Variants in CCDC7 observed in about 807,000 individuals in gnomAD.
CCDC7 encodes the protein coiled-coil domain containing 7, also known as coiled-coil domain-containing protein 7.
In CCDC7, 183 loss-of-function variants were observed where a neutral mutation model predicts 196.9. That is an observed-to-expected ratio of 0.93 (90% CI 0.82 to 1.05). CCDC7 has a LOEUF of 1.05. Ranked by LOEUF, CCDC7 falls within the 50% of genes least tolerant of loss-of-function variation. CCDC7 has a pLI of 0.00. For synonymous variants in CCDC7, 525 were observed against 484.6 expected (o/e 1.08, Z -1.10); for missense variants, 1,540 against 1,482.2 (o/e 1.04, Z -0.64).
At chr10:32,530,170 A>G (rs1296713521) in intron 11 of CCDC7, among the ~76,000 whole-genome samples, 3 of 152,176 alleles carry the variant, frequency 2.0e-5, no homozygotes, top group Non-Finnish European at 2.9e-5. Context: ...TTTGGTGACT[A>G]TAGCCTTATA....
At chr10:32,736,976 A>C (rs1379416229) in intron 28 of CCDC7, among the ~76,000 whole-genome samples, 1 of 152,100 alleles carries the variant, frequency 6.6e-6, no homozygotes, top group Non-Finnish European at 1.5e-5. Flanking sequence ...CTCATGATTA[A>C]GATATTAGGT....
chr10:32,571,934 C>G lies in CCDC7; in HGVS notation c.1454+41C>G, dbSNP rs769664171. The G allele has an allele frequency of 1.9e-6, 3 of 1,547,702 alleles. No individual in the cohort carries two copies. The Admixed American group carries it at 6.0e-5, about 31-fold the overall frequency. ...AAAATTTGTTCCCTCATTTTCTAAT[C>G]TTTATCAGTTCACATACCTAAGCAA... On this transcript the variant is annotated intron_variant, in intron 16 of 41. Transcript: ENST00000639629.
chr10:32,574,512 C>T, intron 16 of CCDC7: 3 of 1,533,316 alleles, frequency 2.0e-6, no homozygotes, highest in South Asian at 2.5e-5. Context: ...GAGACCCCAC[C>T]TGAGCAGATA....
At chr10:32,683,937 G>A (rs993531671) in intron 21 of CCDC7, among the ~76,000 whole-genome samples, 1 of 152,212 alleles carries the variant, frequency 6.6e-6, no homozygotes, top group African/African-American at 2.4e-5. Flanking sequence ...GGAGGCACGA[G>A]ATAGCTTTTG....
intron 24 of CCDC7, among the ~76,000 whole-genome samples, chr10:32,702,367 G>A (rs996129139): frequency 3.3e-5 from 5 of 152,172 alleles, no homozygotes; most frequent in Admixed American, 6.5e-5. Flanking sequence ...TAGTTTGATT[G>A]CACTGTGGTC....
intron 13 of CCDC7, among the ~76,000 whole-genome samples, chr10:32,563,524 A>G (rs1367444395): frequency 6.6e-6 from 1 of 152,226 alleles, no homozygotes; most frequent in Non-Finnish European, 1.5e-5. Flanking sequence ...ATCTTTGACA[A>G]ACCTGAGAAA....
intron 11 of CCDC7, among the ~76,000 whole-genome samples, chr10:32,532,366 T>A (rs766732114): frequency 6.6e-6 from 1 of 152,180 alleles, no homozygotes; most frequent in South Asian, 2.1e-4. Flanking sequence ...GTTAATTGAT[T>A]TATAGTTTTA....
At chr10:32,689,942 C>T (rs183348055) in intron 23 of CCDC7, among the ~76,000 whole-genome samples, 1 of 152,232 alleles carries the variant, frequency 6.6e-6, no homozygotes, top group East Asian at 1.9e-4. Flanking sequence ...ACCATGTTGG[C>T]CAGGCTGGTC....
At chr10:32,755,501 A>T (rs2076280458) in intron 28 of CCDC7, among the ~76,000 whole-genome samples, 1 of 152,122 alleles carries the variant, frequency 6.6e-6, no homozygotes, top group Admixed American at 6.5e-5. Context: ...TCTGCAGTGG[A>T]CCTCAAGCAA....
exon 14 of CCDC7, chr10:32,565,573 G>A: frequency 6.2e-7 from 1 of 1,608,670 alleles, no homozygotes; most frequent in Non-Finnish European, 8.5e-7. Flanking sequence ...AGCACGTCTG[G>A]AAATTGAGAA....
intron 8 of CCDC7, among the ~76,000 whole-genome samples, chr10:32,480,005 CAGT>C (rs1355421079): frequency 6.6e-6 from 1 of 151,918 alleles, no homozygotes; most frequent in Admixed American, 6.6e-5. Context: ...TAAATGTTCA[CAGT>C]AGTCTTTATC....
intron 39 of CCDC7, among the ~76,000 whole-genome samples, chr10:32,851,007 G>T (rs1415171578): frequency 6.6e-6 from 1 of 152,078 alleles, no homozygotes; most frequent in Non-Finnish European, 1.5e-5. Context: ...AATGAACCAG[G>T]ATATTGGAGG....
chr10:32,749,574 G>A (rs543049762), intron 28 of CCDC7, among the ~76,000 whole-genome samples: 7 of 152,092 alleles, frequency 4.6e-5, no homozygotes, highest in Admixed American at 6.6e-5. Context: ...ATTTTAATAT[G>A]TCAGTGCAAC....
intron 23 of CCDC7, among the ~76,000 whole-genome samples, chr10:32,693,798 T>C (rs1281978067): frequency 6.6e-6 from 1 of 152,078 alleles, no homozygotes; most frequent in East Asian, 1.9e-4. Flanking sequence ...TGTGTCTAAA[T>C]GGTCCCTGTC....
intron 25 of CCDC7, among the ~76,000 whole-genome samples, chr10:32,712,642 T>C (rs1164315777): frequency 6.6e-6 from 1 of 152,196 alleles, no homozygotes; most frequent in African/African-American, 2.4e-5. Flanking sequence ...TGGAAAGATA[T>C]TAGTGGTTTA....
At chr10:32,826,009 A>T (rs1297319216) in intron 32 of CCDC7, among the ~76,000 whole-genome samples, 1 of 152,152 alleles carries the variant, frequency 6.6e-6, no homozygotes, top group East Asian at 1.9e-4. Flanking sequence ...TCCTTTCCCC[A>T]ACCCATGCTG....
chr10:32,771,000 G>A (rs1156898696), intron 28 of CCDC7, among the ~76,000 whole-genome samples: 1 of 152,054 alleles, frequency 6.6e-6, no homozygotes, highest in Non-Finnish European at 1.5e-5. Context: ...TAAGTCTATT[G>A]AAGACAGCAG....
intron 15 of CCDC7, among the ~76,000 whole-genome samples, chr10:32,569,065 C>T (rs2057241445): frequency 6.6e-6 from 1 of 152,210 alleles, no homozygotes; most frequent in Admixed American, 6.5e-5. Context: ...GTAACTAAAA[C>T]ATCACATTGC....
At chr10:32,485,691 G>T (rs535914920) in intron 8 of CCDC7, among the ~76,000 whole-genome samples, 16 of 152,286 alleles carry the variant, frequency 1.1e-4, no homozygotes, top group African/African-American at 3.9e-4. Context: ...ATTCTAGGAT[G>T]TTATGTCTTT....
Sources: gnomAD v4.1 joint callset for allele counts (sites outside exome capture counted in the v4.1 genomes callset) on GRCh38, gnomAD v4.1.1 for gene constraint, MANE v1.5 for transcripts, NCBI Gene and HGNC (gene_info 2026-07-23, HGNC 2026-07-21) for gene names.